The following SMCHD1 variants were observed in gnomAD, a reference collection of about 807,000 sequenced individuals.
SMCHD1 encodes structural maintenance of chromosomes flexible hinge domain-containing protein 1.
Under a neutral mutation model 254.7 loss-of-function variants are expected in SMCHD1, and 78 were observed. The ratio of observed to expected loss-of-function variants is 0.31; its 90% CI spans 0.26 to 0.37. The LOEUF is 0.37. Ranked by LOEUF, SMCHD1 falls within the 10% of genes least tolerant of loss-of-function variation. The pLI is 1.00. For synonymous variants in SMCHD1, 766 were observed against 794.9 expected, an observed-to-expected ratio of 0.96 and a Z score of 0.61; for missense variants, 1,840 against 2,408.1, an observed-to-expected ratio of 0.76 and a Z score of 4.94.
intron 47 of SMCHD1, among the ~76,000 whole-genome samples, chr18:2,797,523 TCTCA>T (rs2076283893): frequency 6.6e-6 from 1 of 152,238 alleles, no homozygotes; most frequent in African/African-American, 2.4e-5. Flanking sequence ...AGATTTGAAA[TCTCA>T]CTCTGTGTTG....
At chr18:2,779,747 G>T (rs2076123669) in intron 44 of SMCHD1, among the ~76,000 whole-genome samples, 1 of 152,132 alleles carries the variant, frequency 6.6e-6, no homozygotes, top group Admixed American at 6.6e-5. Context: ...AAGAGTTCAA[G>T]GCTATAGGCT....
chr18:2,669,688 A>G (rs1027569638), intron 3 of SMCHD1, among the ~76,000 whole-genome samples: 2 of 152,200 alleles, frequency 1.3e-5, no homozygotes, highest in Admixed American at 6.5e-5. Context: ...TTAGTTAAAT[A>G]TTGAAAATGG....
chr18:2,656,000 G>T lies in SMCHD1; in HGVS notation c.-76G>T. Reference sequence around the variant, plus strand: ...GCCGCCCCGGGAGCTGGAGCTGAAGGCGCCGCGCGGAGCGCGCACCTCAGC... The same window carrying T: ...GCCGCCCCGGGAGCTGGAGCTGAAGTCGCCGCGCGGAGCGCGCACCTCAGC... On this transcript the variant is annotated 5_prime_UTR_variant, in exon 1 of 48. Coordinates refer to ENST00000320876, the MANE Select transcript of SMCHD1 (RefSeq NM_015295.3). The T allele has an allele frequency of 1.7e-6, 2 of 1,198,798 alleles. No homozygotes were observed. Among genetic ancestry groups the T allele is most frequent in the Non-Finnish European group, 2.1e-6 (2 of 954,070 alleles). The allele number at this position is 1,198,798 out of a possible 1,614,324, so 74.3% of individuals were successfully genotyped here.
chr18:2,757,886 TA>T (rs1277037119), intron 34 of SMCHD1, among the ~76,000 whole-genome samples: 1 of 152,098 alleles, frequency 6.6e-6, no homozygotes, highest in African/African-American at 2.4e-5. Flanking sequence ...AGATTATTAT[TA>T]TTATTTTTTT....
intron 42 of SMCHD1, among the ~76,000 whole-genome samples, chr18:2,776,654 T>G (rs1209449956): frequency 3.3e-5 from 5 of 152,162 alleles, no homozygotes; most frequent in Non-Finnish European, 5.9e-5. Context: ...TAAACAAAGC[T>G]TTTCACGGCC....
chr18:2,778,114 A>T, intron 43 of SMCHD1, 55 bp from the exon 44 acceptor site: 1 of 1,348,902 alleles, frequency 7.4e-7, no homozygotes, highest in Non-Finnish European at 1.0e-6. Flanking sequence ...ATTATATTTT[A>T]ATATGGCCAA....
Position 2,698,049 on chromosome 18 carries a change from AAT to A in SMCHD1, c.1342+9_1342+10del, listed in dbSNP as rs1240886835. 2 of 1,586,492 alleles carry A rather than the reference AAT, an allele frequency of 1.3e-6. No homozygotes were observed. Among genetic ancestry groups the A allele is most frequent in the African/African-American group, 2.7e-5 (2 of 74,466 alleles). ...ATCCATGCTTTCCATCAAGTATGTTAATCTGTTATCTTAGTTATAAAATATGA... is the reference window on the plus strand; with the variant it reads ...ATCCATGCTTTCCATCAAGTATGTTACTGTTATCTTAGTTATAAAATATGA... On this transcript the variant is annotated intron_variant, in intron 10 of 47. Coordinates refer to ENST00000320876, the MANE Select transcript of SMCHD1 (RefSeq NM_015295.3).
intron 5 of SMCHD1, among the ~76,000 whole-genome samples, chr18:2,683,079 T>G (rs2073967194): frequency 6.6e-6 from 1 of 152,190 alleles, no homozygotes; most frequent in Non-Finnish European, 1.5e-5. Flanking sequence ...CATGACCTGA[T>G]GTATGTATGT....
At chr18:2,753,356 A>G (rs1031687084) in intron 34 of SMCHD1, among the ~76,000 whole-genome samples, 1 of 152,146 alleles carries the variant, frequency 6.6e-6, no homozygotes, top group African/African-American at 2.4e-5. Context: ...ACACACTACT[A>G]TTTTCCATTC....
intron 45 of SMCHD1, among the ~76,000 whole-genome samples, chr18:2,793,421 T>C (rs2076201408): frequency 6.6e-6 from 1 of 152,072 alleles, no homozygotes; most frequent in Non-Finnish European, 1.5e-5. Context: ...CCCAGCACTT[T>C]GGGAGGCTGA....
chr18:2,704,842 AAG>A (rs1453492160), intron 13 of SMCHD1, among the ~76,000 whole-genome samples: 1 of 152,146 alleles, frequency 6.6e-6, no homozygotes, highest in Non-Finnish European at 1.5e-5. Context: ...AGTATAGCTA[AAG>A]AGGTAAAAGG....
chr18:2,764,070 TGCC>T, intron 37 of SMCHD1: 1 of 246,828 alleles, frequency 4.1e-6, no homozygotes, highest in Non-Finnish European at 7.7e-6. Flanking sequence ...ATTGAAAAGC[TGCC>T]GTTATGTGGA....
intron 24 of SMCHD1, among the ~76,000 whole-genome samples, chr18:2,731,047 C>G (rs1362621012): frequency 6.6e-6 from 1 of 152,112 alleles, no homozygotes; most frequent in African/African-American, 2.4e-5. Context: ...AAAACAAATG[C>G]CAACGTAAAT....
intron 28 of SMCHD1, among the ~76,000 whole-genome samples, chr18:2,742,721 G>A (rs1451202736): frequency 6.6e-6 from 1 of 152,052 alleles, no homozygotes; most frequent in Non-Finnish European, 1.5e-5. Flanking sequence ...GCCCAGGCTG[G>A]AGTGCAGTGC....
Position 2,763,568 on chromosome 18 carries a change from G to C in SMCHD1, c.4567-69G>C, listed in dbSNP as rs1198122601. 3 of 1,246,756 alleles carry C rather than the reference G, an allele frequency of 2.4e-6. No individual in the cohort carries two copies. The East Asian group carries it at 8.3e-5, about 35-fold the overall frequency. The allele number at this position is 1,246,756 out of a possible 1,614,324, so 77.2% of individuals were successfully genotyped here. On this transcript the variant is annotated intron_variant, in intron 36 of 47. Transcript: ENST00000320876. ...GGGCTCTCTGTATTATTTCTGATTTGTACATGCTCTTCTCTGGGTTTAATC... is the reference window on the plus strand; with the variant it reads ...GGGCTCTCTGTATTATTTCTGATTTCTACATGCTCTTCTCTGGGTTTAATC...
chr18:2,681,035 G>GCTCC (rs1159770204), intron 5 of SMCHD1, among the ~76,000 whole-genome samples: 3 of 152,122 alleles, frequency 2.0e-5, no homozygotes, highest in African/African-American at 7.2e-5. Flanking sequence ...GGAGGCTGAG[G>GCTCC]CAGGAAGATT....
At chr18:2,679,737 G>C (rs1162122805) in intron 5 of SMCHD1, among the ~76,000 whole-genome samples, 2 of 151,968 alleles carry the variant, frequency 1.3e-5, no homozygotes, top group East Asian at 3.9e-4. Flanking sequence ...AGTTCATTGA[G>C]CTTCTCGGAT....
chr18:2,700,472 G>C, intron 10 of SMCHD1, 67 bp from the exon 11 acceptor site: 4 of 1,454,786 alleles, frequency 2.7e-6, no homozygotes, highest in Non-Finnish European at 3.7e-6. Flanking sequence ...AAACATTTAT[G>C]TGTTTGTTTC....
chr18:2,666,922 G>A lies in SMCHD1; in HGVS notation c.315G>A (p.Gln105=), dbSNP rs761999177. ...TATACCTGCTACAGTCGGTCAATCA[G>A]TTACTACTGACAGCTACGAAAGAAC... is the stretch of plus-strand genomic sequence containing the variant. ...VTLYLLQSVN[Q]LLLTATKERI... Residue 105 remains glutamine, a synonymous_variant, in exon 3 of 48, where the codon CAG becomes CAA. Coordinates refer to ENST00000320876, the MANE Select transcript of SMCHD1 (RefSeq NM_015295.3). 2 of 1,613,236 alleles carry A rather than the reference G, an allele frequency of 1.2e-6. No homozygotes were observed. Among genetic ancestry groups the A allele is most frequent in the Non-Finnish European group, 1.7e-6 (2 of 1,179,466 alleles).
Sources: gnomAD v4.1 joint callset for allele counts (sites outside exome capture counted in the v4.1 genomes callset) on GRCh38, gnomAD v4.1.1 for gene constraint, MANE v1.5 for transcripts, NCBI Gene and HGNC (gene_info 2026-07-23, HGNC 2026-07-21) for gene names.